The following PNLIPRP1 variants were observed in gnomAD, a reference collection of about 807,000 sequenced individuals.
PNLIPRP1 encodes the protein inactive pancreatic lipase-related protein 1.
In PNLIPRP1, 57 loss-of-function variants were observed where a neutral mutation model predicts 54.6. That is an observed-to-expected ratio of 1.04 (90% CI 0.84 to 1.30). The LOEUF is 1.30. Among genes scored for constraint, PNLIPRP1 ranks in the 50% most tolerant of loss-of-function variants. The pLI is 0.00. For missense variants in PNLIPRP1, 567 were observed against 568.5 expected (o/e 1.00, Z 0.03); for synonymous variants, 232 against 208.8 (o/e 1.11, Z -0.96).
Position 116,592,511 on chromosome 10 carries a change from A to C in PNLIPRP1, c.300A>C (p.Gly100=). 6.2e-7 allele frequency: 1 copy of C among 1,614,168 alleles called. No homozygotes were observed. Residue 100 remains glycine (G), a synonymous_variant, in exon 4 of 13, where the codon GGA becomes GGC. Coordinates refer to ENST00000358834, the MANE Select transcript of PNLIPRP1 (RefSeq NM_006229.4). The part of the protein sequence containing the change: ...RFIIHGFIDK[G]DESWVTDMCK... ...TCATCCATGGCTTCATAGACAAAGG[A>C]GATGAGAGCTGGGTGACAGACATGT...
chr10:116,598,061 C>A lies in PNLIPRP1; in HGVS notation c.709C>A (p.Gln237Lys), dbSNP rs1847767464. The change falls in exon 8 of 13, where the codon CAA becomes AAA. Residue 237 changes from glutamine (Q) to lysine (K), a missense_variant. Gln to Lys is a moderately conservative substitution (Grantham distance 53, BLOSUM62 1). Coordinates refer to ENST00000358834, the MANE Select transcript of PNLIPRP1 (RefSeq NM_006229.4). ...AAGCATTTCAGGTTTTGGAACGAAC[C>A]AACAGATGGGTCATCTTGACTTCTT... ...LIPFLGFGTN[Q>K]QMGHLDFFPN... 6.2e-7 allele frequency: 1 copy of A among 1,613,900 alleles called. No individual in the cohort carries two copies. Among genetic ancestry groups the A allele is most frequent in the South Asian group, 1.1e-5 (1 of 91,058 alleles).
intron 11 of PNLIPRP1, among the ~76,000 whole-genome samples, chr10:116,605,008 A>G (rs1554865388): frequency 6.6e-6 from 1 of 151,994 alleles, no homozygotes; most frequent in African/African-American, 2.4e-5. Flanking sequence ...CTCTTAATAG[A>G]TGTTTTTTTA....
chr10:116,596,264 G>A lies in PNLIPRP1; in HGVS notation c.516G>A (p.Leu172=), dbSNP rs1486166662. ...AAGTTCACCTCATTGGCCACAGCCT[G>A]GGAGCCCACGTGGCTGGAGAGGCAG... ...PSKVHLIGHS[L]GAHVAGEAGS... is the part of the protein sequence containing the mutation. The change falls in exon 6 of 13, where the codon CTG becomes CTA. Residue 172 remains leucine, a synonymous_variant. Transcript: ENST00000358834. 2.5e-6 allele frequency: 4 copies of A among 1,613,852 alleles called. No homozygotes were observed. Among genetic ancestry groups the A allele is most frequent in the Non-Finnish European group, 3.4e-6 (4 of 1,179,848 alleles).
At chr10:116,600,229 G>A (rs907661819) in intron 9 of PNLIPRP1, 64 bp downstream of exon 9, 69 of 1,066,898 alleles carry the variant, frequency 6.5e-5, no homozygotes, top group African/African-American at 6.4e-4. Flanking sequence ...GTCCTGCTGC[G>A]TTTGGGATTT....
Position 116,596,224 on chromosome 10 carries a change from GC to G in PNLIPRP1, c.477del (p.Tyr160ThrfsTer28), listed in dbSNP as rs1847732544. 6.2e-7 allele frequency: 1 copy of G among 1,610,850 alleles called. No individual in the cohort carries two copies. The highest frequency in any genetic ancestry group is 1.3e-5 in the African/African-American group (1 of 74,822). On this transcript the variant is annotated frameshift_variant, in exon 6 of 13. Transcript: ENST00000358834. LOFTEE classifies it high-confidence loss of function. ...ATCTTCCCTCTCCAGACAGAGTATA[GC>G]TACCCCCCTTCCAAAGTTCACCTCA... ...QMLDILLTEY[S>X]YPPSKVHLIG...
In PNLIPRP1 at chr10:116,608,481, C is replaced by T. The variant is rs75737937; in HGVS notation, c.1341-572C>T. 1.0e-2 allele frequency among the ~76,000 whole-genome samples: 1,517 copies of T among 152,274 alleles called. 25 individuals are homozygous for T. The highest frequency in any genetic ancestry group is 0.034 in the African/African-American group (1,416 of 41,546). ...GTGATCCTACCATGGAAAATACAGCCTCTGGCATCAGATGGACCTGTTTTT... is the reference window on the plus strand; with the variant it reads ...GTGATCCTACCATGGAAAATACAGCTTCTGGCATCAGATGGACCTGTTTTT... On this transcript the variant is annotated intron_variant, in intron 12 of 12. Coordinates refer to ENST00000358834, the MANE Select transcript of PNLIPRP1 (RefSeq NM_006229.4).
At position 116,592,512 on chromosome 10, in the gene PNLIPRP1, G is replaced by A; in HGVS notation, c.301G>A (p.Asp101Asn). ...FIIHGFIDKG[D>N]ESWVTDMCKK... Reference sequence around the variant, plus strand: ...CATCCATGGCTTCATAGACAAAGGAGATGAGAGCTGGGTGACAGACATGTG... The same window carrying A: ...CATCCATGGCTTCATAGACAAAGGAAATGAGAGCTGGGTGACAGACATGTG... Residue 101 changes from aspartate (D) to asparagine (N), a missense_variant, in exon 4 of 13, where the codon GAT becomes AAT. Asp to Asn is a conservative substitution (Grantham distance 23, BLOSUM62 1). Coordinates refer to ENST00000358834, the MANE Select transcript of PNLIPRP1 (RefSeq NM_006229.4). 2 of 1,614,218 alleles carry A rather than the reference G, an allele frequency of 1.2e-6. No individual in the cohort carries two copies. Among genetic ancestry groups the A allele is most frequent in the Non-Finnish European group, 1.7e-6 (2 of 1,180,046 alleles).
At chr10:116,606,335 G>A (rs924193417) in intron 12 of PNLIPRP1, among the ~76,000 whole-genome samples, 7 of 152,278 alleles carry the variant, frequency 4.6e-5, no homozygotes, top group Middle Eastern at 3.4e-3. Flanking sequence ...GGATGACTTA[G>A]TGAGGTTCTC....
rs199998536 is a variant in PNLIPRP1 at position 116,604,132 on chromosome 10, T to C, written c.1166T>C (p.Ile389Thr). 26 of 1,544,580 alleles carry C rather than the reference T, an allele frequency of 1.7e-5. No homozygotes were observed. The African/African-American group carries it at 2.3e-4, about 14-fold the overall frequency. The change falls in exon 11 of 13, where the codon ATC becomes ACC. Residue 389 changes from isoleucine to threonine, a missense_variant. Coordinates refer to ENST00000358834, the MANE Select transcript of PNLIPRP1 (RefSeq NM_006229.4). The stretch of plus-strand genomic sequence containing the variant: ...AAGGGAAACACTCACCAGTACAGTA[T>C]CTTCAGGTAATTTCCTATTTTAACA... ...GNKGNTHQYS[I>T]FRGILKPGST...
intron 8 of PNLIPRP1, among the ~76,000 whole-genome samples, chr10:116,599,690 G>A (rs1184835076): frequency 6.6e-6 from 1 of 152,170 alleles, no homozygotes; most frequent in African/African-American, 2.4e-5. Context: ...ATGGGCATGG[G>A]TTTAATTACC....
intron 6 of PNLIPRP1, 152 bp from the exon 7 acceptor site, chr10:116,597,676 C>T: frequency 1.2e-6 from 1 of 815,388 alleles, no homozygotes; most frequent in Non-Finnish European, 1.9e-6. Context: ...TCTATGTCCT[C>T]ATATTTAGCA....
Position 116,594,838 on chromosome 10 carries a change from G to A in PNLIPRP1, c.439G>A (p.Val147Met). 1.9e-6 allele frequency: 3 copies of A among 1,614,072 alleles called. No homozygotes were observed. Among genetic ancestry groups the A allele is most frequent in the Non-Finnish European group, 1.7e-6 (2 of 1,180,026 alleles). The change falls in exon 5 of 13, where the codon GTG (valine) becomes ATG (methionine). Residue 147 changes from valine (V) to methionine (M), a missense_variant. Physicochemically the swap from Val to Met is conservative, Grantham distance 21 (BLOSUM62 1). Transcript: ENST00000358834. ...CAACGTGCGAGTGGTGGGCGCCCAG[G>A]TGGCCCAGATGCTCGACATCCTCTT... is the stretch of plus-strand genomic sequence containing the variant. ...ANNVRVVGAQ[V>M]AQMLDILLTE...
At chr10:116,598,965 T>A (rs1292338793) in intron 8 of PNLIPRP1, among the ~76,000 whole-genome samples, 1 of 152,158 alleles carries the variant, frequency 6.6e-6, no homozygotes, top group Non-Finnish European at 1.5e-5. Context: ...ATATTAAGAA[T>A]GAGGACAGGC....
chr10:116,598,102 G>C lies in PNLIPRP1; in HGVS notation c.750G>C (p.Glu250Asp). 6.2e-7 allele frequency: 1 copy of C among 1,614,180 alleles called. No homozygotes were observed. Among genetic ancestry groups the C allele is most frequent in the Non-Finnish European group, 8.5e-7 (1 of 1,180,026 alleles). The change falls in exon 8 of 13, where the codon GAG (glutamate) becomes GAC (aspartate). Residue 250 changes from glutamate (E) to aspartate (D), a missense_variant. Glu to Asp is a conservative substitution (Grantham distance 45, BLOSUM62 2). Coordinates refer to ENST00000358834, the MANE Select transcript of PNLIPRP1 (RefSeq NM_006229.4). ...GHLDFFPNGGESMPGCKKNAL... is the reference protein window; with the variant it reads ...GHLDFFPNGGDSMPGCKKNAL... The stretch of plus-strand genomic sequence containing the variant: ...TTGACTTCTTCCCCAATGGAGGAGA[G>C]AGCATGCCGGGATGCAAGAAGAATG...
chr10:116,604,939 C>G (rs1029029514), intron 11 of PNLIPRP1, among the ~76,000 whole-genome samples: 1 of 152,098 alleles, frequency 6.6e-6, no homozygotes, highest in Admixed American at 6.6e-5. Flanking sequence ...GTGATCCACC[C>G]ATCTCGGCCT....
chr10:116,605,298 A>G, intron 11 of PNLIPRP1, 88 bp from the exon 12 acceptor site: 1 of 696,062 alleles, frequency 1.4e-6, no homozygotes, highest in Non-Finnish European at 2.3e-6. Flanking sequence ...AATCCTGTTA[A>G]TCTAGAAGAG....
At chr10:116,606,320 G>A (rs202188509) in intron 12 of PNLIPRP1, among the ~76,000 whole-genome samples, 3 of 152,240 alleles carry the variant, frequency 2.0e-5, no homozygotes, top group East Asian at 3.9e-4. Flanking sequence ...GGGTCTCCTC[G>A]AACTGGATGA....
At chr10:116,598,800 G>A (rs151069566) in intron 8 of PNLIPRP1, among the ~76,000 whole-genome samples, 1 of 152,270 alleles carries the variant, frequency 6.6e-6, no homozygotes. Flanking sequence ...ATCTAATGAG[G>A]CCAAAAGGAC....
intron 6 of PNLIPRP1, 125 bp downstream of exon 6, chr10:116,596,447 T>C (rs1554863981): frequency 3.1e-6 from 2 of 649,592 alleles, no homozygotes; most frequent in African/African-American, 3.6e-5. Context: ...TAGAGCTGCT[T>C]GGAGCCTGCA....
Sources: gnomAD v4.1 joint callset for allele counts (sites outside exome capture counted in the v4.1 genomes callset) on GRCh38, gnomAD v4.1.1 for gene constraint, MANE v1.5 for transcripts, NCBI Gene and HGNC (gene_info 2026-07-23, HGNC 2026-07-21) for gene names.